The following PRKAR1B variants were observed in gnomAD, a reference collection of about 807,000 sequenced individuals.
PRKAR1B encodes cAMP-dependent protein kinase type I-beta regulatory subunit.
PRKAR1B carries 22 observed loss-of-function variants against 46.5 expected under a neutral mutation model. The ratio of observed to expected loss-of-function variants is 0.47; its 90% CI spans 0.34 to 0.68. The LOEUF (loss-of-function observed/expected upper bound fraction) is 0.68. Among genes scored for constraint, PRKAR1B ranks in the 30% least tolerant of loss-of-function variants. PRKAR1B has a pLI of 0.01. For synonymous variants in PRKAR1B, 259 were observed against 217.7 expected, an observed-to-expected ratio of 1.19 and a Z score of -1.67; for missense variants, 445 against 535.6, an observed-to-expected ratio of 0.83 and a Z score of 1.67.
At chr7:722,535 C>T (rs1006749351) in intron 1 of PRKAR1B, among the ~76,000 whole-genome samples, 2 of 150,874 alleles carry the variant, frequency 1.3e-5, no homozygotes, top group African/African-American at 4.9e-5. Context: ...CCGCGCCTGG[C>T]TAATTTTTGT....
chr7:659,707 G>T (rs1785401820), intron 4 of PRKAR1B, among the ~76,000 whole-genome samples: 1 of 151,526 alleles, frequency 6.6e-6, no homozygotes, highest in Non-Finnish European at 1.5e-5. Flanking sequence ...GCCTTGTGAG[G>T]GCTTTTGTTT....
chr7:607,699 T>C (rs1298044000), intron 4 of PRKAR1B, among the ~76,000 whole-genome samples: 1 of 152,212 alleles, frequency 6.6e-6, no homozygotes, highest in Admixed American at 6.5e-5. Context: ...AGTTTGCTGT[T>C]TTGGTTTTTA....
chr7:721,970 G>A (rs890422407), intron 1 of PRKAR1B, among the ~76,000 whole-genome samples: 9 of 151,960 alleles, frequency 5.9e-5, no homozygotes, highest in African/African-American at 2.2e-4. Context: ...TCTGTCTTTA[G>A]TTTCCAGGAG....
chr7:589,292 G>T (rs1217766694), intron 7 of PRKAR1B, among the ~76,000 whole-genome samples: 2 of 151,770 alleles, frequency 1.3e-5, no homozygotes, highest in Admixed American at 1.3e-4. Context: ...CGCTCCACGG[G>T]TGCCATGTCC....
chr7:553,080 G>GTGGAAACCGCGGCC (rs1171329032), intron 9 of PRKAR1B, among the ~76,000 whole-genome samples: 2 of 152,206 alleles, frequency 1.3e-5, no homozygotes, highest in Non-Finnish European at 2.9e-5. Context: ...GGCCCCAGGT[G>GTGGAAACCGCGGCC]TGGAAACCGC....
At chr7:728,292 G>A (rs916712548), upstream of PRKAR1B, among the ~76,000 whole-genome samples, 5 of 152,202 alleles carry the variant, frequency 3.3e-5, no homozygotes, top group Non-Finnish European at 7.3e-5. Context: ...ATCCGTGGGC[G>A]GTAGGGAGCA....
chr7:645,659 A>C (rs1340047279), intron 4 of PRKAR1B, among the ~76,000 whole-genome samples: 1 of 152,052 alleles, frequency 6.6e-6, no homozygotes, highest in Non-Finnish European at 1.5e-5. Flanking sequence ...AAAGTCTGGG[A>C]GGGCCTGGGA....
At chr7:663,631 C>G (rs1785739115) in intron 4 of PRKAR1B, among the ~76,000 whole-genome samples, 1 of 152,216 alleles carries the variant, frequency 6.6e-6, no homozygotes, top group Admixed American at 6.5e-5. Flanking sequence ...TGGCCCTACA[C>G]AGACCGTGGT....
intron 2 of PRKAR1B, among the ~76,000 whole-genome samples, chr7:686,829 C>G (rs771484209): frequency 6.6e-6 from 1 of 151,974 alleles, no homozygotes; most frequent in Non-Finnish European, 1.5e-5. Flanking sequence ...AACAAGCAGC[C>G]GAGAAGCTGA....
At chr7:626,545 G>T (rs1783414747) in intron 4 of PRKAR1B, among the ~76,000 whole-genome samples, 1 of 152,076 alleles carries the variant, frequency 6.6e-6, no homozygotes, top group African/African-American at 2.4e-5. Flanking sequence ...GCACAGATGT[G>T]TTCACTAGTT....
At chr7:675,594 A>C (rs1786535260) in intron 4 of PRKAR1B, among the ~76,000 whole-genome samples, 1 of 152,222 alleles carries the variant, frequency 6.6e-6, no homozygotes, top group African/African-American at 2.4e-5. Context: ...TATCTCAAAG[A>C]AAGAAACGAA....
chr7:574,606 G>T (rs1464197876), intron 9 of PRKAR1B, among the ~76,000 whole-genome samples: 1 of 152,134 alleles, frequency 6.6e-6, no homozygotes, highest in Non-Finnish European at 1.5e-5. Flanking sequence ...ACCACACCCG[G>T]CTAATTTTTG....
chr7:683,746 C>A (rs1250164234), intron 2 of PRKAR1B, among the ~76,000 whole-genome samples: 1 of 152,240 alleles, frequency 6.6e-6, no homozygotes, highest in African/African-American at 2.4e-5. Flanking sequence ...CCTGGCCCAC[C>A]TGCCACGTGC....
At position 605,897 on chromosome 7, in the gene PRKAR1B, A is replaced by G. The variant is rs557430243; in HGVS notation, c.549+296T>C. On this transcript the variant is annotated intron_variant, in intron 6 of 10. Transcript: ENST00000537384. ...ATCTGGAGACGGCGCTGGGTCAAACAGAACCGCCCTGGCCAGCCCCAGCAG... is the reference window on the plus strand; with the variant it reads ...ATCTGGAGACGGCGCTGGGTCAAACGGAACCGCCCTGGCCAGCCCCAGCAG... Among the ~76,000 whole-genome samples, 30 of 152,334 alleles carry G rather than the reference A, an allele frequency of 2.0e-4. No homozygotes were observed. In the South Asian group the frequency reaches 6.0e-3, roughly 31 times the overall value.
rs1782721680 is a variant in PRKAR1B, at chr7:615,006, G to C, written c.441-7554C>G. Among the ~76,000 whole-genome samples, 2 of 149,994 alleles carry C rather than the reference G, an allele frequency of 1.3e-5. 1 individual carries two copies. Among genetic ancestry groups the C allele is most frequent in the South Asian group, 4.3e-4 (2 of 4,696 alleles). On this transcript the variant is annotated intron_variant, in intron 4 of 10. Transcript: ENST00000537384. ...GCAGGAGGATTGCTTGAGCCCAGGA[G>C]GTTGAGGCTGCAGGGAGCTGAGATT... is the stretch of plus-strand genomic sequence containing the variant.
intron 1 of PRKAR1B, among the ~76,000 whole-genome samples, chr7:717,390 C>T (rs114991898): frequency 0.03 from 4,510 of 152,192 alleles, 72 homozygotes; most frequent in Admixed American, 0.037. Flanking sequence ...GGCATCGTGG[C>T]TCATGCCTGC....
intron 4 of PRKAR1B, among the ~76,000 whole-genome samples, chr7:617,185 G>A (rs1313850091): frequency 6.6e-6 from 1 of 151,878 alleles, no homozygotes; most frequent in East Asian, 1.9e-4. Flanking sequence ...GTAGAGACAG[G>A]GGTTTCACCA....
At chr7:723,745 C>G (rs1019710474) in intron 1 of PRKAR1B, among the ~76,000 whole-genome samples, 2 of 152,198 alleles carry the variant, frequency 1.3e-5, no homozygotes, top group Admixed American at 1.3e-4. Flanking sequence ...TGTTTTAGGA[C>G]AGAGGCCCCC....
intron 1 of PRKAR1B, among the ~76,000 whole-genome samples, chr7:725,097 C>G (rs1049374338): frequency 1.3e-5 from 2 of 151,958 alleles, no homozygotes; most frequent in Non-Finnish European, 2.9e-5. Context: ...ACCTGCAGTC[C>G]CAGCTACTTG....
Sources: allele counts gnomAD v4.1 joint callset (sites outside exome capture counted in the v4.1 genomes callset), GRCh38; gene constraint gnomAD v4.1.1; transcripts MANE v1.5; gene names NCBI Gene and HGNC (gene_info 2026-07-23, HGNC 2026-07-21).